The following FGF10 variants were observed in gnomAD, a reference collection of about 807,000 sequenced individuals.
FGF10 encodes fibroblast growth factor 10.
In FGF10, 2 loss-of-function variants were observed where a neutral mutation model predicts 19.8. The observed-to-expected ratio is 0.10, with a 90% CI of 0.04 to 0.32. The LOEUF (loss-of-function observed/expected upper bound fraction) is 0.32. FGF10 is among the 10% of genes least tolerant of loss of function. FGF10 has a pLI of 1.00. For synonymous variants in FGF10, 112 were observed against 94.0 expected, an observed-to-expected ratio of 1.19 and a Z score of -1.10; for missense variants, 191 against 246.3, an observed-to-expected ratio of 0.78 and a Z score of 1.50.
At chr5:44,310,551 A>C in intron 1 of FGF10, 21 bp from the exon 2 acceptor site, 2 of 1,504,438 alleles carry the variant, frequency 1.3e-6, no homozygotes. Context: ...CAATTTTAAA[A>C]GGCTAAATAA....
intron 1 of FGF10, among the ~76,000 whole-genome samples, chr5:44,374,118 T>C (rs1741802557): frequency 6.6e-6 from 1 of 152,166 alleles, no homozygotes. Context: ...AGACAATCTG[T>C]TCCTTTCCTC....
At position 44,336,893 on chromosome 5, in the gene FGF10, A is replaced by G. The variant is rs2111776460; in HGVS notation, c.326-26363T>C. Among the ~76,000 whole-genome samples the G allele has an allele frequency of 2.6e-5, 4 of 152,276 alleles. No homozygotes were observed. The South Asian group carries it at 8.3e-4, about 32-fold the overall frequency. ...CTAGATAGAGGAAGTGACATGGAAGACAAAGAGCGCTTACTAACCAATTTG... is the reference window on the plus strand; with the variant it reads ...CTAGATAGAGGAAGTGACATGGAAGGCAAAGAGCGCTTACTAACCAATTTG... On this transcript the variant is annotated intron_variant, in intron 1 of 2. Transcript: ENST00000264664.
chr5:44,385,688 A>T (rs2111930902), intron 1 of FGF10, among the ~76,000 whole-genome samples: 1 of 152,294 alleles, frequency 6.6e-6, no homozygotes, highest in South Asian at 2.1e-4. Flanking sequence ...AGATCCTAGT[A>T]TTTAACAAGC....
chr5:44,376,867 A>G (rs1404359999), intron 1 of FGF10, among the ~76,000 whole-genome samples: 2 of 151,566 alleles, frequency 1.3e-5, no homozygotes, highest in African/African-American at 4.8e-5. Flanking sequence ...TTCTTTTTTT[A>G]CTTCAAAAAG....
intron 1 of FGF10, among the ~76,000 whole-genome samples, chr5:44,336,323 A>G (rs959339593): frequency 2.2e-4 from 33 of 152,190 alleles, no homozygotes; most frequent in African/African-American, 7.9e-4. Flanking sequence ...CTTTCATGGT[A>G]TTTAAATGCA....
chr5:44,313,590 T>TG lies in FGF10; in HGVS notation c.326-3061_326-3060insC, dbSNP rs199935415. Among the ~76,000 whole-genome samples the TG allele has an allele frequency of 0.017, 1,997 of 117,728 alleles. 87 individuals carry two copies. In the East Asian group the frequency reaches 0.18, roughly 11 times the overall value. The allele number at this position is 117,728 out of a possible 152,430, so 77.2% of individuals were successfully genotyped here. ...AACATTAAAAGCTATAAAAAAAGGT[T>TG]TTTTTTTTTTTAACTCAAAGAAACA... On this transcript the variant is annotated intron_variant, in intron 1 of 2. Transcript: ENST00000264664.
chr5:44,339,608 A>G (rs1740924166), intron 1 of FGF10, among the ~76,000 whole-genome samples: 1 of 152,154 alleles, frequency 6.6e-6, no homozygotes, highest in Admixed American at 6.6e-5. Flanking sequence ...TATGAGGCCC[A>G]TACTGAGAAA....
intron 1 of FGF10, among the ~76,000 whole-genome samples, chr5:44,340,859 A>C (rs1740954822): frequency 6.6e-6 from 1 of 151,756 alleles, no homozygotes; most frequent in African/African-American, 2.4e-5. Context: ...AAGAATTGAC[A>C]GTCAAAGAAA....
At position 44,325,448 on chromosome 5, in the gene FGF10, C is replaced by T. The variant is rs962825381; in HGVS notation, c.326-14918G>A. On this transcript the variant is annotated intron_variant, in intron 1 of 2. Transcript: ENST00000264664. ...GACACATGCACACGTATGTTTATTG[C>T]GGCACTATTCACAATAGCAAAGACT... 1.1e-3 allele frequency among the ~76,000 whole-genome samples: 173 copies of T among 151,918 alleles called. 3 individuals carry two copies. The highest frequency in any genetic ancestry group is 3.7e-3 in the African/African-American group (152 of 41,406).
intron 1 of FGF10, among the ~76,000 whole-genome samples, chr5:44,346,023 C>T (rs1163836447): frequency 1.3e-5 from 2 of 151,760 alleles, no homozygotes; most frequent in African/African-American, 4.8e-5. Context: ...CCTCATAAAC[C>T]TCTAATCACT....
chr5:44,351,974 A>G (rs531552880), intron 1 of FGF10, among the ~76,000 whole-genome samples: 3 of 151,814 alleles, frequency 2.0e-5, no homozygotes, highest in Non-Finnish European at 4.4e-5. Flanking sequence ...TACTAATTTT[A>G]ATACTACTAA....
At chr5:44,343,569 A>C (rs540311156) in intron 1 of FGF10, among the ~76,000 whole-genome samples, 1 of 152,120 alleles carries the variant, frequency 6.6e-6, no homozygotes, top group South Asian at 2.1e-4. Flanking sequence ...ATAAAATGAA[A>C]CACTTCCTGT....
At chr5:44,311,084 C>A (rs1043556706) in intron 1 of FGF10, among the ~76,000 whole-genome samples, 1 of 151,962 alleles carries the variant, frequency 6.6e-6, no homozygotes, top group Non-Finnish European at 1.5e-5. Flanking sequence ...TTCTGAGATA[C>A]AGGGAGACTA....
chr5:44,380,418 A>G (rs1741958496), intron 1 of FGF10, among the ~76,000 whole-genome samples: 1 of 152,182 alleles, frequency 6.6e-6, no homozygotes, highest in Non-Finnish European at 1.5e-5. Flanking sequence ...TCAGATTCTA[A>G]CTCCTGTTGG....
intron 1 of FGF10, among the ~76,000 whole-genome samples, chr5:44,335,096 C>T (rs1012704908): frequency 2.6e-5 from 4 of 151,996 alleles, no homozygotes; most frequent in Non-Finnish European, 4.4e-5. Flanking sequence ...AACAGCAAGA[C>T]AGGAACATAT....
At chr5:44,376,596 T>C (rs990899574) in intron 1 of FGF10, among the ~76,000 whole-genome samples, 1 of 141,782 alleles carries the variant, frequency 7.1e-6, no homozygotes, top group Non-Finnish European at 1.5e-5. Flanking sequence ...TTACAAAACC[T>C]CTTCACAGTG....
At chr5:44,346,470 T>C (rs1372481660) in intron 1 of FGF10, among the ~76,000 whole-genome samples, 1 of 151,910 alleles carries the variant, frequency 6.6e-6, no homozygotes, top group East Asian at 1.9e-4. Flanking sequence ...TGTCAGATTT[T>C]CTAGCATGGC....
chr5:44,300,910 G>T lies in FGF10; in HGVS notation c.*4085C>A, dbSNP rs1260636278. Among the ~76,000 whole-genome samples the T allele has an allele frequency of 6.6e-6, 1 of 151,916 alleles. No homozygotes were observed. Among genetic ancestry groups the T allele is most frequent in the Non-Finnish European group, 1.5e-5 (1 of 67,986 alleles). ...TATATCTAGGATGTTTACCTTTTTGGATCTTGTAGTAAAGGAGTTTGGGGT... is the reference window on the plus strand; with the variant it reads ...TATATCTAGGATGTTTACCTTTTTGTATCTTGTAGTAAAGGAGTTTGGGGT... On this transcript the variant is annotated 3_prime_UTR_variant, in exon 3 of 3. Transcript: ENST00000264664.
intron 1 of FGF10, among the ~76,000 whole-genome samples, chr5:44,320,954 A>C (rs1740471559): frequency 1.3e-5 from 2 of 151,724 alleles, no homozygotes; most frequent in African/African-American, 4.8e-5. Flanking sequence ...CAAGCAATCC[A>C]CCCACCTAGG....
Sources: allele counts gnomAD v4.1 joint callset (sites outside exome capture counted in the v4.1 genomes callset), GRCh38; gene constraint gnomAD v4.1.1; transcripts MANE v1.5; gene names NCBI Gene and HGNC (gene_info 2026-07-23, HGNC 2026-07-21).